Variants in RASA2 observed in about 807,000 individuals in gnomAD.
RASA2 encodes ras GTPase-activating protein 2.
RASA2 carries 155 observed loss-of-function variants against 118.2 expected under a neutral mutation model. The ratio of observed to expected loss-of-function variants is 1.31; its 90% CI spans 1.15 to 1.50. RASA2 has a LOEUF of 1.50. RASA2 is among the 40% of genes most tolerant of loss of function. The pLI is 0.00. For synonymous variants in RASA2, 353 were observed against 349.1 expected (o/e 1.01, Z -0.12); for missense variants, 1,016 against 1,009.6 (o/e 1.01, Z -0.09).
chr3:141,550,968 T>C (rs1158659372), intron 5 of RASA2, among the ~76,000 whole-genome samples: 1 of 152,250 alleles, frequency 6.6e-6, no homozygotes, highest in Non-Finnish European at 1.5e-5. Context: ...ATTTTTATTG[T>C]CTTCTGTGTC....
chr3:141,604,480 C>T (rs2083516049), intron 19 of RASA2, among the ~76,000 whole-genome samples: 1 of 152,120 alleles, frequency 6.6e-6, no homozygotes, highest in Middle Eastern at 3.2e-3. Context: ...ATCATGCTTT[C>T]AATTATTCTT....
Position 141,609,905 on chromosome 3 carries a change from A to G in RASA2, c.2358A>G (p.Gln786=), listed in dbSNP as rs200993356. 23 of 1,599,876 alleles carry G rather than the reference A, an allele frequency of 1.4e-5. No homozygotes were observed. The highest frequency in any genetic ancestry group is 3.3e-4 in the Middle Eastern group (2 of 6,002). Residue 786 remains glutamine, a synonymous_variant, in exon 23 of 24, where the codon CAA becomes CAG. Coordinates refer to ENST00000286364, the MANE Select transcript of RASA2 (RefSeq NM_006506.5). Reference sequence around the variant, plus strand: ...CTTGTGGAACTATTGCAGTCTATCAAGGACCACAGAAAGAGCCTGATGATT... The same window carrying G: ...CTTGTGGAACTATTGCAGTCTATCAGGGACCACAGAAAGAGCCTGATGATT... ...EEACGTIAVY[Q]GPQKEPDDYS...
intron 10 of RASA2, 27 bp from the exon 11 acceptor site, chr3:141,571,379 G>A: frequency 6.2e-7 from 1 of 1,600,560 alleles, no homozygotes; most frequent in African/African-American, 1.3e-5. Context: ...TGATGTTTGT[G>A]CTTGTTTTCT....
intron 19 of RASA2, among the ~76,000 whole-genome samples, chr3:141,604,191 T>C (rs2083511615): frequency 6.6e-6 from 1 of 152,226 alleles, no homozygotes; most frequent in South Asian, 2.1e-4. Flanking sequence ...AGTAGGAAAT[T>C]TAATGCACTC....
chr3:141,545,542 G>A (rs2082472597), intron 5 of RASA2, among the ~76,000 whole-genome samples: 1 of 145,106 alleles, frequency 6.9e-6, no homozygotes, highest in African/African-American at 2.6e-5. Context: ...TCCACCTCCT[G>A]GGTTCAAGTG....
At chr3:141,527,464 G>A (rs936258592) in intron 3 of RASA2, among the ~76,000 whole-genome samples, 1 of 151,982 alleles carries the variant, frequency 6.6e-6, no homozygotes, top group African/African-American at 2.4e-5. Flanking sequence ...GTTCTCAAAA[G>A]GTAAGAGCTT....
chr3:141,580,555 TACACACAC>T (rs10663136), intron 16 of RASA2, 104 bp downstream of exon 16: 5 of 580,734 alleles, frequency 8.6e-6, no homozygotes, highest in Admixed American at 3.1e-5. Flanking sequence ...AAACAAAACA[TACACACAC>T]ACACACACAC....
intron 1 of RASA2, among the ~76,000 whole-genome samples, chr3:141,498,564 A>G (rs1485061169): frequency 6.6e-6 from 1 of 152,190 alleles, no homozygotes; most frequent in Non-Finnish European, 1.5e-5. Context: ...ATATGTGTAC[A>G]CACATACATA....
intron 15 of RASA2, among the ~76,000 whole-genome samples, 157 bp downstream of exon 15, chr3:141,577,263 G>T (rs192949941): frequency 6.6e-6 from 1 of 152,110 alleles, no homozygotes; most frequent in South Asian, 2.1e-4. Context: ...TCTTTCAAGT[G>T]AGGCTAATAA....
intron 23 of RASA2, among the ~76,000 whole-genome samples, chr3:141,611,700 A>G (rs1262614917): frequency 6.6e-6 from 1 of 152,174 alleles, no homozygotes; most frequent in South Asian, 2.1e-4. Context: ...TGAATTAATA[A>G]TTATATTTTT....
chr3:141,594,988 G>A (rs529892173), intron 19 of RASA2, among the ~76,000 whole-genome samples: 4 of 152,154 alleles, frequency 2.6e-5, no homozygotes, highest in South Asian at 2.1e-4. Flanking sequence ...ACAGCACAAA[G>A]GAAGGGGGTG....
At chr3:141,576,636 A>G (rs984950692) in intron 14 of RASA2, among the ~76,000 whole-genome samples, 1 of 152,252 alleles carries the variant, frequency 6.6e-6, no homozygotes, top group Non-Finnish European at 1.5e-5. Flanking sequence ...GTAGCCTTGT[A>G]TCATACTCTT....
chr3:141,574,470 G>A (rs1310152487), intron 14 of RASA2, among the ~76,000 whole-genome samples: 3 of 152,188 alleles, frequency 2.0e-5, no homozygotes, highest in East Asian at 3.8e-4. Context: ...GATTACAGGC[G>A]TGAGCCACCA....
chr3:141,550,795 T>C (rs2082562679), intron 5 of RASA2, among the ~76,000 whole-genome samples: 1 of 152,160 alleles, frequency 6.6e-6, no homozygotes, highest in South Asian at 2.1e-4. Flanking sequence ...AGGCGGAGCT[T>C]GCGGGGAGCC....
intron 2 of RASA2, among the ~76,000 whole-genome samples, chr3:141,513,926 A>G (rs558190605): frequency 6.6e-6 from 1 of 152,300 alleles, no homozygotes; most frequent in African/African-American, 2.4e-5. Context: ...GTCTTCATAG[A>G]AGAATCATAG....
intron 1 of RASA2, among the ~76,000 whole-genome samples, chr3:141,509,404 ATGT>A (rs1406620852): frequency 6.6e-6 from 1 of 152,202 alleles, no homozygotes; most frequent in Non-Finnish European, 1.5e-5. Flanking sequence ...AATTTATATA[ATGT>A]TGTTTTCTCA....
chr3:141,585,931 A>C, intron 17 of RASA2, 94 bp from the exon 18 acceptor site: 1 of 910,758 alleles, frequency 1.1e-6, no homozygotes, highest in Non-Finnish European at 1.6e-6. Flanking sequence ...ATAATGAAGA[A>C]CTTCCCATTA....
intron 9 of RASA2, among the ~76,000 whole-genome samples, chr3:141,563,726 A>T (rs538344653): frequency 6.6e-6 from 1 of 152,244 alleles, no homozygotes; most frequent in Admixed American, 6.5e-5. Flanking sequence ...AAGGTCACAC[A>T]GCTGGGATTT....
At chr3:141,584,637 C>T (rs2083171172) in intron 17 of RASA2, among the ~76,000 whole-genome samples, 1 of 152,186 alleles carries the variant, frequency 6.6e-6, no homozygotes, top group Non-Finnish European at 1.5e-5. Context: ...TAGAAGTTGG[C>T]AAACTCTTTT....
Sources: allele counts gnomAD v4.1 joint callset (sites outside exome capture counted in the v4.1 genomes callset), GRCh38; gene constraint gnomAD v4.1.1; transcripts MANE v1.5; gene names NCBI Gene and HGNC (gene_info 2026-07-23, HGNC 2026-07-21).